The following PARD3 variants were observed in gnomAD, a reference collection of about 807,000 sequenced individuals.
PARD3 encodes partitioning defective 3 homolog.
A neutral mutation model predicts 155.4 loss-of-function variants in PARD3; 75 were observed. The ratio of observed to expected loss-of-function variants is 0.48; its 90% CI spans 0.40 to 0.58. PARD3 has a LOEUF of 0.58. Ranked by LOEUF, PARD3 falls within the 20% of genes least tolerant of loss-of-function variation. The probability of loss-of-function intolerance (pLI) is 0.00; values close to 1 mark genes in which losing one functional copy is unlikely to be tolerated. For synonymous variants in PARD3, 576 were observed against 610.5 expected (o/e 0.94, Z 0.83); for missense variants, 1,642 against 1,721.7 (o/e 0.95, Z 0.82).
intron 2 of PARD3, among the ~76,000 whole-genome samples, chr10:34,608,523 A>T (rs1164219173): frequency 1.4e-5 from 2 of 147,782 alleles, no homozygotes; most frequent in African/African-American, 5.1e-5. Flanking sequence ...AGAATACAGT[A>T]AAAAAGAATA....
At chr10:34,342,742 AT>A (rs1303686813) in intron 15 of PARD3, among the ~76,000 whole-genome samples, 2 of 152,194 alleles carry the variant, frequency 1.3e-5, no homozygotes, top group Non-Finnish European at 2.9e-5. Flanking sequence ...AGAAAAATTT[AT>A]TTAAATTGCT....
At chr10:34,400,790 C>A (rs1396001935) in intron 6 of PARD3, among the ~76,000 whole-genome samples, 2 of 151,612 alleles carry the variant, frequency 1.3e-5, no homozygotes, top group East Asian at 3.9e-4. Context: ...AAAAATTCTG[C>A]CATACTGCCA....
chr10:34,619,569 A>G (rs1432403892), intron 2 of PARD3, among the ~76,000 whole-genome samples: 6 of 152,066 alleles, frequency 3.9e-5, no homozygotes, highest in African/African-American at 9.7e-5. Flanking sequence ...TTATTTTACC[A>G]CCACCACCAT....
chr10:34,318,198 A>G (rs1263318021), intron 19 of PARD3, among the ~76,000 whole-genome samples: 2 of 152,226 alleles, frequency 1.3e-5, no homozygotes, highest in Admixed American at 1.3e-4. Context: ...AAGTAACTGA[A>G]GTAAGTCTCC....
chr10:34,304,981 T>C (rs16935306), intron 20 of PARD3, among the ~76,000 whole-genome samples: 2,693 of 152,264 alleles, frequency 0.018, 76 homozygotes, highest in African/African-American at 0.061. Flanking sequence ...AGAGTGGAAA[T>C]TGAGAAACCT....
chr10:34,131,419 G>A (rs780709994), intron 23 of PARD3, 44 bp downstream of exon 23: 3 of 1,611,566 alleles, frequency 1.9e-6, no homozygotes, highest in East Asian at 4.5e-5. Context: ...TTGCTGCAGG[G>A]AAGTTGTAGG....
intron 3 of PARD3, among the ~76,000 whole-genome samples, chr10:34,493,976 C>T (rs1394151835): frequency 6.6e-6 from 1 of 152,128 alleles, no homozygotes; most frequent in Non-Finnish European, 1.5e-5. Flanking sequence ...CTGAATCTGG[C>T]CATAATACTC....
At chr10:34,603,775 T>C (rs1590188309) in intron 2 of PARD3, among the ~76,000 whole-genome samples, 1 of 152,112 alleles carries the variant, frequency 6.6e-6, no homozygotes, top group East Asian at 1.9e-4. Flanking sequence ...AAACATTAAA[T>C]TTGCATGTGG....
At chr10:34,275,861 T>C (rs1439732442) in intron 21 of PARD3, among the ~76,000 whole-genome samples, 1 of 152,162 alleles carries the variant, frequency 6.6e-6, no homozygotes, top group East Asian at 1.9e-4. Flanking sequence ...GGTCACAAAT[T>C]ATCTCCAAGA....
At chr10:34,535,193 T>C (rs913541383) in intron 2 of PARD3, among the ~76,000 whole-genome samples, 3 of 152,138 alleles carry the variant, frequency 2.0e-5, no homozygotes, top group African/African-American at 7.2e-5. Context: ...CTTGAGGAAG[T>C]ATATTGGCAT....
chr10:34,175,339 T>C lies in PARD3; in HGVS notation c.3420-43756A>G, dbSNP rs145102463. On this transcript the variant is annotated intron_variant, in intron 22 of 24. Transcript: ENST00000374788. ...GCCTGGATAACTTGGGAAAGCCCTG[T>C]TTATGCTTTCTGCTAGTGTGTGTGT... Among the ~76,000 whole-genome samples, 75 of 152,316 alleles carry C rather than the reference T, an allele frequency of 4.9e-4. 1 individual carries two copies. In the East Asian group the frequency reaches 0.013, roughly 26 times the overall value.
At chr10:34,521,016 T>G (rs2082110322) in intron 2 of PARD3, among the ~76,000 whole-genome samples, 1 of 152,212 alleles carries the variant, frequency 6.6e-6, no homozygotes, top group South Asian at 2.1e-4. Flanking sequence ...CAAATGAAAT[T>G]CATGTTTTGT....
rs1946336709 is a variant in PARD3 at position 34,110,352 on chromosome 10, T to C, written c.*817A>G. ...TGAGCTCTTCCTAGGAGAATTTCTT[T>C]CTTAGCTCTCCCCTCATGATAGACA... On this transcript the variant is annotated 3_prime_UTR_variant, in exon 25 of 25. Transcript: ENST00000374788. 1 of 152,112 alleles carries C rather than the reference T, an allele frequency of 6.6e-6. No homozygotes were observed. Among genetic ancestry groups the C allele is most frequent in the Non-Finnish European group, 1.5e-5 (1 of 68,052 alleles). The allele number at this position is 152,112 out of a possible 1,614,324, so 9.4% of individuals were successfully genotyped here.
intron 1 of PARD3, among the ~76,000 whole-genome samples, chr10:34,721,986 T>G (rs565750377): frequency 6.6e-6 from 1 of 152,248 alleles, no homozygotes; most frequent in African/African-American, 2.4e-5. Flanking sequence ...AAGACCAGCC[T>G]GGGCAACATG....
chr10:34,172,750 A>AAAC (rs1439322234), intron 22 of PARD3, among the ~76,000 whole-genome samples: 40 of 134,788 alleles, frequency 3.0e-4, no homozygotes, highest in Non-Finnish European at 8.3e-5. Context: ...AAAAAACAAC[A>AAAC]AAAAAAAAAA....
intron 7 of PARD3, among the ~76,000 whole-genome samples, chr10:34,385,462 T>C (rs1842262842): frequency 6.6e-6 from 1 of 152,198 alleles, no homozygotes; most frequent in Admixed American, 6.5e-5. Flanking sequence ...TTTTGTATCA[T>C]GATATTAAAA....
chr10:34,685,413 C>T (rs1311659529), intron 2 of PARD3, among the ~76,000 whole-genome samples: 1 of 152,184 alleles, frequency 6.6e-6, no homozygotes, highest in African/African-American at 2.4e-5. Context: ...AATTCAACAA[C>T]TCACCTACCT....
At chr10:34,798,500 T>C (rs1222254080) in intron 1 of PARD3, among the ~76,000 whole-genome samples, 1 of 150,408 alleles carries the variant, frequency 6.6e-6, no homozygotes, top group Non-Finnish European at 1.5e-5. Context: ...AGGTCAGGAG[T>C]TCAAGACCAC....
At position 34,475,742 on chromosome 10, in the gene PARD3, T is replaced by C. The variant is rs1168645203; in HGVS notation, c.404-5479A>G. On this transcript the variant is annotated intron_variant, in intron 3 of 24. Coordinates refer to ENST00000374788, the MANE Select transcript of PARD3 (RefSeq NM_001184785.2). Reference sequence around the variant, plus strand: ...ATCTTTATGTACTGGGAAGCAGTCATGCTCACAGTGGGACATAAGTTTTCC... The same window carrying C: ...ATCTTTATGTACTGGGAAGCAGTCACGCTCACAGTGGGACATAAGTTTTCC... Among the ~76,000 whole-genome samples the C allele has an allele frequency of 2.0e-5, 3 of 152,338 alleles. No individual in the cohort carries two copies. The East Asian group carries it at 5.8e-4, about 29-fold the overall frequency.
Sources: allele counts gnomAD v4.1 joint callset (sites outside exome capture counted in the v4.1 genomes callset), GRCh38; gene constraint gnomAD v4.1.1; transcripts MANE v1.5; gene names NCBI Gene and HGNC (gene_info 2026-07-23, HGNC 2026-07-21).